Variants in ADAMTS7 observed in about 807,000 individuals in gnomAD.
ADAMTS7 encodes the protein ADAM metallopeptidase with thrombospondin type 1 motif 7, also known as A disintegrin and metalloproteinase with thrombospondin motifs 7.
A neutral mutation model predicts 172.6 loss-of-function variants in ADAMTS7; 89 were observed. The observed-to-expected ratio is 0.52, with a 90% confidence interval of 0.43 to 0.61. ADAMTS7 has a LOEUF of 0.61. Among genes scored for constraint, ADAMTS7 ranks in the 20% least tolerant of loss-of-function variants. The pLI, the probability that ADAMTS7 is intolerant of heterozygous loss-of-function variation, is 0.00. For missense variants in ADAMTS7, 1,973 were observed against 2,355.6 expected (o/e 0.84, Z 3.36); for synonymous variants, 885 against 978.4 (o/e 0.90, Z 1.78).
chr15:78,790,421 GA>G (rs2055562340), intron 6 of ADAMTS7, among the ~76,000 whole-genome samples: 1 of 152,196 alleles, frequency 6.6e-6, no homozygotes, highest in Admixed American at 6.5e-5. Flanking sequence ...ACCACTGGGG[GA>G]AATGGAGGAA....
chr15:78,774,016 G>A, intron 13 of ADAMTS7, 151 bp downstream of exon 13: 1 of 1,245,900 alleles, frequency 8.0e-7, no homozygotes, highest in Non-Finnish European at 1.1e-6. Flanking sequence ...TGGGGAGGGT[G>A]GCCCGAGGAG....
At chr15:78,765,503 T>C (rs1401168803) in intron 19 of ADAMTS7, 142 bp downstream of exon 19, 3 of 1,381,546 alleles carry the variant, frequency 2.2e-6, no homozygotes, top group Non-Finnish European at 2.9e-6. Context: ...CGGGGTCCCC[T>C]CATCCCCCTA....
intron 17 of ADAMTS7, 48 bp downstream of exon 17, chr15:78,768,085 T>C: frequency 1.1e-6 from 1 of 905,398 alleles, no homozygotes; most frequent in Non-Finnish European, 1.4e-6. Context: ...GGTGGGGAGT[T>C]GGCGGGGGAT....
intron 2 of ADAMTS7, 94 bp from the exon 3 acceptor site, chr15:78,798,207 C>A: frequency 8.0e-7 from 1 of 1,248,880 alleles, no homozygotes; most frequent in East Asian, 2.8e-5. Flanking sequence ...GCTGAGCCCC[C>A]ACTGCCCACA....
chr15:78,811,324 C>A lies in ADAMTS7; in HGVS notation c.-104G>T, dbSNP rs2055864270. The A allele has an allele frequency of 8.4e-7, 1 of 1,192,416 alleles. No individual in the cohort carries two copies. The highest frequency in any genetic ancestry group is 1.6e-5 in the African/African-American group (1 of 63,100). 73.9% of individuals were successfully genotyped at this position (1,192,416 alleles called of 1,614,324 possible). On this transcript the variant is annotated 5_prime_UTR_variant, in exon 1 of 24. Transcript: ENST00000388820. Reference sequence around the variant, plus strand: ...TCCGGCTCAGGACATGCCCGGCCGGCGTGCAGCTCCCGGCGACCCGGCCCC... The same window carrying A: ...TCCGGCTCAGGACATGCCCGGCCGGAGTGCAGCTCCCGGCGACCCGGCCCC...
intron 23 of ADAMTS7, among the ~76,000 whole-genome samples, chr15:78,759,970 G>C (rs28590060): frequency 6.6e-6 from 1 of 151,558 alleles, no homozygotes; most frequent in South Asian, 2.1e-4. Context: ...CCTCCTGCCA[G>C]CCTGCAGCGG....
rs58692708 is a variant in ADAMTS7 at position 78,772,416 on chromosome 15, G to T, written c.2132-587C>A. On this transcript the variant is annotated intron_variant, in intron 14 of 23. Transcript: ENST00000388820. ...ACCACACTGCACTGCATCTCTGGGA[G>T]AAAATCTAAGCTTCTCAGCCTGGCA... Among the ~76,000 whole-genome samples, 4,325 of 152,170 alleles carry T rather than the reference G, an allele frequency of 0.028. 544 individuals are homozygous for T. In the East Asian group the frequency reaches 0.36, roughly 13 times the overall value.
rs1357656445 is a variant in ADAMTS7, at chr15:78,768,073, G to A, written c.2645+60C>T. The stretch of plus-strand genomic sequence containing the variant: ...TGGGGTGGGGAGTTGGCGGGGGATG[G>A]GGGTGGGGAGTTGGCGGGGGATGGG... On this transcript the variant is annotated intron_variant, in intron 17 of 23. Coordinates refer to ENST00000388820, the MANE Select transcript of ADAMTS7 (RefSeq NM_014272.5). 4.5e-5 allele frequency: 48 copies of A among 1,068,500 alleles called. 2 individuals are homozygous for A. The highest frequency in any genetic ancestry group is 6.0e-5 in the Non-Finnish European group (47 of 783,368). The allele number at this position is 1,068,500 out of a possible 1,614,324, so 66.2% of individuals were successfully genotyped here. A position where few individuals can be genotyped will look rare whatever the true frequency, so the allele number is the denominator to read the frequency against.
chr15:78,776,694 A>T, intron 10 of ADAMTS7, 55 bp downstream of exon 10: 1 of 1,494,798 alleles, frequency 6.7e-7, no homozygotes, highest in Non-Finnish European at 9.1e-7. Flanking sequence ...GCCTGGTCAC[A>T]GCAGGAAGTC....
intron 8 of ADAMTS7, among the ~76,000 whole-genome samples, chr15:78,781,797 C>A (rs985778732): frequency 6.6e-6 from 1 of 152,186 alleles, no homozygotes; most frequent in Non-Finnish European, 1.5e-5. Context: ...ATCTTCAGGC[C>A]ACTTCCCTGG....
In ADAMTS7 at chr15:78,764,079, T is replaced by A. The variant is rs112367046; in HGVS notation, c.4440A>T (p.Gly1480=). The A allele has an allele frequency of 6.5e-6, 10 of 1,527,508 alleles. No individual in the cohort carries two copies. In the African/African-American group the frequency reaches 9.6e-5, roughly 15 times the overall value. The allele number at this position is 1,527,508 out of a possible 1,614,324, so 94.6% of individuals were successfully genotyped here. ...ACTGCACGTCCCGCACTGAGGAACC[T>A]CCGCCGCAGCTGCGGGAGCACTGGG... is the stretch of plus-strand genomic sequence containing the variant. ...NWSKCSRSCG[G]GSSVRDVQCV... Residue 1480 remains glycine (G), a synonymous_variant, in exon 21 of 24, where the codon GGA becomes GGT. Coordinates refer to ENST00000388820, the MANE Select transcript of ADAMTS7 (RefSeq NM_014272.5).
chr15:78,797,721 C>T (rs1175591166), intron 3 of ADAMTS7, among the ~76,000 whole-genome samples: 3 of 152,116 alleles, frequency 2.0e-5, no homozygotes, highest in African/African-American at 4.8e-5. Context: ...TGAGATGGAG[C>T]GAGGAAGGTC....
chr15:78,807,852 C>A (rs1313296526), intron 1 of ADAMTS7, among the ~76,000 whole-genome samples: 1 of 151,276 alleles, frequency 6.6e-6, no homozygotes, highest in Non-Finnish European at 1.5e-5. Flanking sequence ...AAACAAAAAA[C>A]ATGTTTTTAT....
At chr15:78,797,024 C>T (rs1022452451) in intron 3 of ADAMTS7, among the ~76,000 whole-genome samples, 3 of 152,242 alleles carry the variant, frequency 2.0e-5, no homozygotes, top group African/African-American at 7.2e-5. Flanking sequence ...AATTGCCTCA[C>T]AGGGGGACCT....
Position 78,766,616 on chromosome 15 carries a change from G to A in ADAMTS7, c.3295C>T (p.His1099Tyr), listed in dbSNP as rs1035008427. 5.6e-6 allele frequency: 9 copies of A among 1,607,436 alleles called. No individual in the cohort carries two copies. Among genetic ancestry groups the A allele is most frequent in the Non-Finnish European group, 7.6e-6 (9 of 1,178,204 alleles). Reference protein sequence around the residue: ...AGTGDRTPPPHSHPAAPSTGS... With the variant: ...AGTGDRTPPPYSHPAAPSTGS... ...GTGGAGGGCGCAGCAGGATGGCTGT[G>A]TGGTGGGGGTGTCCGGTCCCCTGTC... is the stretch of plus-strand genomic sequence containing the variant. Residue 1099 changes from histidine (H) to tyrosine (Y), a missense_variant, in exon 19 of 24, where the codon CAC becomes TAC. Physicochemically the swap from His to Tyr is moderately conservative, Grantham distance 83. Transcript: ENST00000388820.
intron 10 of ADAMTS7, 171 bp downstream of exon 10, chr15:78,776,578 G>T: frequency 1.2e-6 from 1 of 852,488 alleles, no homozygotes; most frequent in South Asian, 1.8e-5. Context: ...ATGGAATCAA[G>T]CCCTGGCCCC....
intron 14 of ADAMTS7, among the ~76,000 whole-genome samples, chr15:78,772,081 T>G: frequency 6.6e-6 from 1 of 152,118 alleles, no homozygotes; most frequent in East Asian, 1.9e-4. Flanking sequence ...TAAGGCTGGA[T>G]CCATTCCCTA....
chr15:78,771,290 T>C lies in ADAMTS7; in HGVS notation c.2390A>G (p.Glu797Gly). Residue 797 changes from glutamate (E) to glycine (G), a missense_variant, in exon 16 of 24, where the codon GAG (glutamate) becomes GGG (glycine). Glu to Gly is a moderately conservative substitution (Grantham distance 98). Coordinates refer to ENST00000388820, the MANE Select transcript of ADAMTS7 (RefSeq NM_014272.5). This position sits in a 1 kb window ranked among gnomAD's most constrained non-coding sequence, Gnocchi z 4.9. The part of the protein sequence containing the change: ...EPVWIQLLFQ[E>G]SNPGVHYEYT... ...CTCGTAGTGCACCCCAGGGTTGCTCTCCTGGAACAGCAGCTGGGTGGGCAG... is the reference window on the plus strand; with the variant it reads ...CTCGTAGTGCACCCCAGGGTTGCTCCCCTGGAACAGCAGCTGGGTGGGCAG... 3 of 1,612,658 alleles carry C rather than the reference T, an allele frequency of 1.9e-6. No individual in the cohort carries two copies. The highest frequency in any genetic ancestry group is 2.5e-6 in the Non-Finnish European group (3 of 1,179,316).
rs768683684 is a variant in ADAMTS7 at position 78,768,267 on chromosome 15, C to T, written c.2519-8G>A. The stretch of plus-strand genomic sequence containing the variant: ...CATTCTGCCTCTGCACACCTAGGGG[C>T]CACGGGGCTCAGCCTGGGACTGGCA... On this transcript the variant is annotated splice_region_variant and splice_polypyrimidine_tract_variant and intron_variant, in intron 16 of 23. Transcript: ENST00000388820. 2.5e-6 allele frequency: 4 copies of T among 1,610,350 alleles called. No individual in the cohort carries two copies. The highest frequency in any genetic ancestry group is 3.4e-6 in the Non-Finnish European group (4 of 1,179,500).
Sources: gnomAD v4.1 joint callset for allele counts (sites outside exome capture counted in the v4.1 genomes callset) on GRCh38, gnomAD v4.1.1 for gene constraint, Gnocchi (gnomAD v3.1) non-coding constraint, MANE v1.5 for transcripts, NCBI Gene and HGNC (gene_info 2026-07-23, HGNC 2026-07-21) for gene names.